Variants in CLIP4 observed in about 807,000 individuals in gnomAD.
CLIP4 encodes CAP-Gly domain containing linker protein family member 4.
In CLIP4, 47 loss-of-function variants were observed where a neutral mutation model predicts 73.1. The ratio of observed to expected loss-of-function variants is 0.64; its 90% CI spans 0.51 to 0.82. CLIP4 has a LOEUF of 0.82. CLIP4 is among the 40% of genes least tolerant of loss of function. The pLI is 0.00. For synonymous variants in CLIP4, 306 were observed against 295.4 expected, an observed-to-expected ratio of 1.04 and a Z score of -0.37; for missense variants, 874 against 852.9, an observed-to-expected ratio of 1.02 and a Z score of -0.31.
chr2:29,162,164 CT>C (rs985340398), intron 12 of CLIP4, among the ~76,000 whole-genome samples: 4 of 152,108 alleles, frequency 2.6e-5, no homozygotes, highest in African/African-American at 9.7e-5. Context: ...TGGTTTGATT[CT>C]TTGGATATAA....
Position 29,152,678 on chromosome 2 carries a change from C to T in CLIP4, c.1022-7C>T, listed in dbSNP as rs1175260211. On this transcript the variant is annotated splice_region_variant and splice_polypyrimidine_tract_variant and intron_variant, in intron 8 of 15. Coordinates refer to ENST00000320081, the MANE Select transcript of CLIP4 (RefSeq NM_024692.6). ...GTTTAACACTAAAATTCTGCATTCT[C>T]CCTTAGGTATTTTTGCACCTCTTTC... 2.5e-6 allele frequency: 4 copies of T among 1,612,206 alleles called. No homozygotes were observed. Among genetic ancestry groups the T allele is most frequent in the Admixed American group, 1.7e-5 (1 of 59,786 alleles).
rs768908690 is a variant in CLIP4, at chr2:29,160,371, C to T, written c.1438C>T (p.Arg480Cys). 8.1e-6 allele frequency: 13 copies of T among 1,613,962 alleles called. No individual in the cohort carries two copies. The highest frequency in any genetic ancestry group is 4.5e-5 in the East Asian group (2 of 44,890). The change falls in exon 12 of 16, where the codon CGT becomes TGT. Residue 480 changes from arginine (R) to cysteine (C), a missense_variant. Arg to Cys is a radical substitution (Grantham distance 180). Transcript: ENST00000320081. ...AGCAACATCTACAGCAAATAATAGC[C>T]GTTGCGAGGGGGAACTCCGCCTCGG... ...SSATSTANNS[R>C]CEGELRLGER...
At chr2:29,114,279 T>C (rs1668463031), upstream of CLIP4, 1 of 152,246 alleles carries the variant, frequency 6.6e-6, no homozygotes, top group Non-Finnish European at 1.5e-5. Flanking sequence ...CTGGACAAGC[T>C]GGAATGCATC....
Position 29,157,246 on chromosome 2 carries a change from C to T in CLIP4, c.1298C>T (p.Ser433Phe). The change falls in exon 11 of 16, where the codon TCT (serine) becomes TTT (phenylalanine). Residue 433 changes from serine to phenylalanine, a missense_variant. Coordinates refer to ENST00000320081, the MANE Select transcript of CLIP4 (RefSeq NM_024692.6). ...GSVSSCSSTS[S>F]LEHRQSYPKK... ...GTCAGCAGCTGCTCCTCTACATCTT[C>T]TTTGGAACACAGACAGAGCTACCCC... 6.2e-7 allele frequency: 1 copy of T among 1,614,074 alleles called. No homozygotes were observed. The highest frequency in any genetic ancestry group is 8.5e-7 in the Non-Finnish European group (1 of 1,179,974).
chr2:29,142,535 T>C (rs1040643804), intron 6 of CLIP4, among the ~76,000 whole-genome samples: 2 of 152,194 alleles, frequency 1.3e-5, no homozygotes, highest in South Asian at 4.1e-4. Context: ...ATCTTTATTG[T>C]ATTTTGTATG....
intron 9 of CLIP4, 56 bp downstream of exon 9, chr2:29,152,884 A>C: frequency 6.4e-7 from 1 of 1,574,290 alleles, no homozygotes; most frequent in Non-Finnish European, 8.6e-7. Context: ...TTATTTGTAG[A>C]ATTCCTAATA....
intron 14 of CLIP4, among the ~76,000 whole-genome samples, chr2:29,172,511 C>A (rs1668076632): frequency 6.6e-6 from 1 of 152,092 alleles, no homozygotes; most frequent in South Asian, 2.1e-4. Flanking sequence ...CTAACTAATT[C>A]ATATTATTGT....
intron 2 of CLIP4, among the ~76,000 whole-genome samples, chr2:29,126,238 A>G (rs1457389933): frequency 1.3e-5 from 2 of 152,232 alleles, no homozygotes; most frequent in African/African-American, 4.8e-5. Flanking sequence ...AAAGCTTGCA[A>G]CAGCATAAAA....
intron 14 of CLIP4, among the ~76,000 whole-genome samples, chr2:29,171,388 A>G (rs924328187): frequency 2.6e-5 from 4 of 151,672 alleles, no homozygotes; most frequent in Admixed American, 2.0e-4. Context: ...AATAATATAT[A>G]TTTTTTTACC....
At chr2:29,162,653 G>A (rs911443355) in intron 12 of CLIP4, among the ~76,000 whole-genome samples, 1 of 152,154 alleles carries the variant, frequency 6.6e-6, no homozygotes, top group Non-Finnish European at 1.5e-5. Flanking sequence ...TTGGAAAATT[G>A]TAACTGTAGC....
At chr2:29,149,838 T>A (rs187370712) in intron 8 of CLIP4, among the ~76,000 whole-genome samples, 14 of 152,290 alleles carry the variant, frequency 9.2e-5, no homozygotes, top group Admixed American at 3.3e-4. Flanking sequence ...AAATATACTT[T>A]AGCTTACAGA....
intron 15 of CLIP4, chr2:29,175,230 C>T (rs971141094): frequency 6.6e-6 from 1 of 152,244 alleles, no homozygotes; most frequent in Non-Finnish European, 1.5e-5. Flanking sequence ...GCAAGCTTCA[C>T]AGAGATCTGA....
At chr2:29,121,893 C>A (rs562282670) in intron 2 of CLIP4, among the ~76,000 whole-genome samples, 86 of 152,258 alleles carry the variant, frequency 5.6e-4, no homozygotes, top group Non-Finnish European at 9.0e-4. Context: ...GGGTAAGAGA[C>A]CCTTCCCTGG....
upstream of CLIP4, among the ~76,000 whole-genome samples, chr2:29,112,475 C>T (rs934879077): frequency 6.6e-5 from 10 of 152,152 alleles, no homozygotes; most frequent in Non-Finnish European, 1.3e-4. Flanking sequence ...GGATATTATG[C>T]TTTAGAGTTT....
At chr2:29,132,681 A>G (rs1174324277) in intron 4 of CLIP4, 16 of 156,622 alleles carry the variant, frequency 1.0e-4, no homozygotes, top group Admixed American at 7.7e-4. Context: ...TTGTCATTGT[A>G]TGAACCTGCA....
intron 15 of CLIP4, among the ~76,000 whole-genome samples, chr2:29,177,996 A>G (rs1668441727): frequency 6.6e-6 from 1 of 152,184 alleles, no homozygotes; most frequent in South Asian, 2.1e-4. Flanking sequence ...TTTGGTTTAG[A>G]TGTTGAATCC....
intron 2 of CLIP4, among the ~76,000 whole-genome samples, chr2:29,124,274 A>G (rs1410079386): frequency 2.0e-5 from 3 of 152,294 alleles, no homozygotes; most frequent in Admixed American, 6.5e-5. Flanking sequence ...GTTTAGAATT[A>G]TAGGTTGGTA....
intron 8 of CLIP4, among the ~76,000 whole-genome samples, chr2:29,152,286 A>G (rs1269392724): frequency 6.6e-6 from 1 of 152,230 alleles, no homozygotes. Context: ...TTGCTTAGAA[A>G]TGATAGAAAA....
intron 9 of CLIP4, among the ~76,000 whole-genome samples, chr2:29,153,761 C>T (rs539947521): frequency 6.6e-6 from 1 of 152,256 alleles, no homozygotes; most frequent in South Asian, 2.1e-4. Flanking sequence ...CCTTTATATT[C>T]TGTTCCACTG....
Sources: gnomAD v4.1 joint callset for allele counts (sites outside exome capture counted in the v4.1 genomes callset) on GRCh38, gnomAD v4.1.1 for gene constraint, MANE v1.5 for transcripts, NCBI Gene and HGNC (gene_info 2026-07-23, HGNC 2026-07-21) for gene names.